Variants in XKR4 observed in about 807,000 individuals in gnomAD.
The protein encoded by XKR4 is XK-related protein 4.
In XKR4, 12 loss-of-function variants were observed where a neutral mutation model predicts 53.9. The observed-to-expected ratio is 0.22, with a 90% confidence interval of 0.14 to 0.36. XKR4 has a LOEUF of 0.36. XKR4 is among the 10% of genes least tolerant of loss of function. The probability of loss-of-function intolerance (pLI) is 1.00; values close to 1 mark genes in which losing one functional copy is unlikely to be tolerated. For missense variants in XKR4, 799 were observed against 859.5 expected (o/e 0.93, Z 0.88); for synonymous variants, 354 against 362.4 (o/e 0.98, Z 0.26).
chr8:55,381,995 G>C (rs1804242310), intron 2 of XKR4, among the ~76,000 whole-genome samples: 1 of 152,292 alleles, frequency 6.6e-6, no homozygotes, highest in East Asian at 1.9e-4. Context: ...TTGTCTTCCA[G>C]TTATGTTGTG....
At chr8:55,210,610 T>G (rs975677027) in intron 1 of XKR4, among the ~76,000 whole-genome samples, 70 of 152,146 alleles carry the variant, frequency 4.6e-4, no homozygotes, top group African/African-American at 1.6e-3. Context: ...TGTTGAGGGA[T>G]TTGAAGAAGC....
At chr8:55,384,079 G>T (rs1295936732) in intron 2 of XKR4, among the ~76,000 whole-genome samples, 5 of 152,214 alleles carry the variant, frequency 3.3e-5, no homozygotes, top group Non-Finnish European at 7.3e-5. Flanking sequence ...GAATGTGATT[G>T]CAGAAAAGGG....
intron 1 of XKR4, among the ~76,000 whole-genome samples, chr8:55,349,109 T>C (rs1383367065): frequency 6.6e-6 from 1 of 152,252 alleles, no homozygotes; most frequent in African/African-American, 2.4e-5. Context: ...ATTTACTTAT[T>C]GCTTACTAGG....
chr8:55,337,285 C>G (rs1803475957), intron 1 of XKR4, among the ~76,000 whole-genome samples: 1 of 152,096 alleles, frequency 6.6e-6, no homozygotes, highest in Non-Finnish European at 1.5e-5. Flanking sequence ...CAAGCTGGAC[C>G]CTTGAAGAGA....
At chr8:55,146,086 T>C (rs1381122111) in intron 1 of XKR4, among the ~76,000 whole-genome samples, 2 of 152,222 alleles carry the variant, frequency 1.3e-5, no homozygotes, top group Non-Finnish European at 1.5e-5. Flanking sequence ...TCATAGAACA[T>C]GAAATGTGAT....
At chr8:55,159,461 G>C (rs938577152) in intron 1 of XKR4, among the ~76,000 whole-genome samples, 2 of 152,154 alleles carry the variant, frequency 1.3e-5, no homozygotes, top group Non-Finnish European at 2.9e-5. Flanking sequence ...AAAACAGAAA[G>C]ATGAGTATGA....
At chr8:55,304,249 G>T (rs1484844202) in intron 1 of XKR4, among the ~76,000 whole-genome samples, 3 of 152,096 alleles carry the variant, frequency 2.0e-5, no homozygotes, top group Admixed American at 6.5e-5. Context: ...CCTTCATTTC[G>T]TTATGTACCC....
chr8:55,480,170 G>A (rs1332960076), intron 2 of XKR4, among the ~76,000 whole-genome samples: 3 of 152,106 alleles, frequency 2.0e-5, no homozygotes, highest in South Asian at 2.1e-4. Flanking sequence ...CTGGCAAACC[G>A]AATCCAGCAG....
chr8:55,296,253 CG>C (rs1420761788), intron 1 of XKR4, among the ~76,000 whole-genome samples: 10 of 152,150 alleles, frequency 6.6e-5, no homozygotes, highest in Admixed American at 4.6e-4. Context: ...TGCTGTTGCA[CG>C]TATCACTTCC....
At chr8:55,466,637 T>TA (rs999913823) in intron 2 of XKR4, among the ~76,000 whole-genome samples, 33 of 151,972 alleles carry the variant, frequency 2.2e-4, no homozygotes, top group African/African-American at 5.6e-4. Flanking sequence ...AAAGTATAAT[T>TA]AAAAAAATAT....
At chr8:55,364,028 A>G (rs1481282704) in intron 2 of XKR4, among the ~76,000 whole-genome samples, 1 of 152,170 alleles carries the variant, frequency 6.6e-6, no homozygotes, top group Non-Finnish European at 1.5e-5. Flanking sequence ...GAGTGGTGCC[A>G]TTTTGTAGAA....
chr8:55,386,379 T>C (rs1247583029), intron 2 of XKR4, among the ~76,000 whole-genome samples: 2 of 152,162 alleles, frequency 1.3e-5, no homozygotes, highest in Admixed American at 6.5e-5. Context: ...TTGCTTCCAG[T>C]AGTTATTTAG....
At chr8:55,446,243 C>T (rs1563351923) in intron 2 of XKR4, among the ~76,000 whole-genome samples, 1 of 152,236 alleles carries the variant, frequency 6.6e-6, no homozygotes, top group Non-Finnish European at 1.5e-5. Flanking sequence ...GAGCTTTTAT[C>T]CACATGTTAC....
At chr8:55,272,361 A>G (rs1818703873) in intron 1 of XKR4, among the ~76,000 whole-genome samples, 1 of 152,216 alleles carries the variant, frequency 6.6e-6, no homozygotes, top group Non-Finnish European at 1.5e-5. Flanking sequence ...CACCTTAAAG[A>G]TGTTGCTGGG....
chr8:55,523,842 C>T lies in XKR4; in HGVS notation c.1568C>T (p.Ser523Leu). 6.2e-7 allele frequency: 1 copy of T among 1,614,188 alleles called. No homozygotes were observed. Among genetic ancestry groups the T allele is most frequent in the South Asian group, 1.1e-5 (1 of 91,070 alleles). ...CCCAATGGACCCAGATTCGGGCAGT[C>T]ACCAAGTTGTGCTTGTGAGGACCCA... Reference protein sequence around the residue: ...FHPNGPRFGQSPSCACEDPAA... With the variant: ...FHPNGPRFGQLPSCACEDPAA... The change falls in exon 3 of 3, where the codon TCA (serine) becomes TTA (leucine). Residue 523 changes from serine (S) to leucine (L), a missense_variant. Around this residue, in one of 3 missense-constraint regions of XKR4, gnomAD observed 269 missense variants for 264.4 expected, o/e 1.02. Coordinates refer to ENST00000327381, the MANE Select transcript of XKR4 (RefSeq NM_052898.2).
chr8:55,397,203 G>A (rs1682391758), intron 2 of XKR4, among the ~76,000 whole-genome samples: 1 of 152,194 alleles, frequency 6.6e-6, no homozygotes, highest in Non-Finnish European at 1.5e-5. Flanking sequence ...ATCTTTGAGA[G>A]GAAGTTTTGT....
chr8:55,378,107 G>A (rs1160517187), intron 2 of XKR4, among the ~76,000 whole-genome samples: 3 of 152,268 alleles, frequency 2.0e-5, no homozygotes, highest in East Asian at 1.9e-4. Flanking sequence ...GGGAAAAGGA[G>A]ATCTGGTCTT....
intron 2 of XKR4, among the ~76,000 whole-genome samples, chr8:55,486,194 G>A (rs1462411583): frequency 4.6e-5 from 7 of 152,152 alleles, no homozygotes; most frequent in African/African-American, 1.2e-4. Flanking sequence ...GTGCATAATT[G>A]TGTGCACCCA....
At chr8:55,214,973 T>C (rs1317216116) in intron 1 of XKR4, among the ~76,000 whole-genome samples, 2 of 152,140 alleles carry the variant, frequency 1.3e-5, no homozygotes, top group East Asian at 1.9e-4. Flanking sequence ...CAACATAGAA[T>C]AGTAAATTGT....
Sources: allele counts gnomAD v4.1 joint callset (sites outside exome capture counted in the v4.1 genomes callset), GRCh38; gene constraint gnomAD v4.1.1; regional missense constraint gnomAD v4.1.1; transcripts MANE v1.5; gene names NCBI Gene and HGNC (gene_info 2026-07-23, HGNC 2026-07-21).